Variants in UBE2L3 observed in about 807,000 individuals in gnomAD.
UBE2L3 encodes the protein ubiquitin-conjugating enzyme E2 L3.
Under a neutral mutation model 17.8 loss-of-function variants are expected in UBE2L3, and 1 was observed. The ratio of observed to expected loss-of-function variants is 0.06; its 90% CI spans 0.02 to 0.27. The LOEUF is 0.27. UBE2L3 is among the 10% of genes least tolerant of loss of function. UBE2L3 has a pLI of 1.00. For synonymous variants in UBE2L3, 44 were observed against 68.5 expected, an observed-to-expected ratio of 0.64 and a Z score of 1.76; for missense variants, 40 against 192.6, an observed-to-expected ratio of 0.21 and a Z score of 4.69.
In UBE2L3 at chr22:21,569,161, C is replaced by T. The variant is rs372356251; in HGVS notation, c.27+1390C>T. On this transcript the variant is annotated intron_variant, in intron 1 of 3. Transcript: ENST00000342192. Reference sequence around the variant, plus strand: ...TGTAATCCCAGCACTCCTGGGAGGCCGAGGCGGGCGGATCACTTGAGGTCA... The same window carrying T: ...TGTAATCCCAGCACTCCTGGGAGGCTGAGGCGGGCGGATCACTTGAGGTCA... Among the ~76,000 whole-genome samples, 5 of 151,602 alleles carry T rather than the reference C, an allele frequency of 3.3e-5. No homozygotes were observed. The East Asian group carries it at 7.8e-4, about 24-fold the overall frequency.
At chr22:21,582,143 CA>C (rs547252520) in intron 1 of UBE2L3, among the ~76,000 whole-genome samples, 114 of 136,354 alleles carry the variant, frequency 8.4e-4, no homozygotes, top group African/African-American at 2.0e-3. Flanking sequence ...AAAAAACAAA[CA>C]AAAAAAAAAA....
chr22:21,609,900 C>T (rs1001078603), intron 2 of UBE2L3, among the ~76,000 whole-genome samples: 1 of 151,434 alleles, frequency 6.6e-6, no homozygotes, highest in African/African-American at 2.4e-5. Flanking sequence ...GAGGCGGGTG[C>T]CTGTAATCCC....
At chr22:21,604,615 T>G (rs377355607) in intron 2 of UBE2L3, among the ~76,000 whole-genome samples, 186 of 152,330 alleles carry the variant, frequency 1.2e-3, no homozygotes, top group Middle Eastern at 6.8e-3. Context: ...AACAAAACCA[T>G]GTTTTTTCAT....
upstream of UBE2L3, among the ~76,000 whole-genome samples, chr22:21,564,458 A>G (rs1324622753): frequency 6.6e-6 from 1 of 152,172 alleles, no homozygotes; most frequent in Non-Finnish European, 1.5e-5. Context: ...TGAAGGTTTT[A>G]GAGCAGGAGA....
intron 1 of UBE2L3, among the ~76,000 whole-genome samples, chr22:21,587,115 G>A (rs1391605284): frequency 6.6e-6 from 1 of 151,416 alleles, no homozygotes; most frequent in Non-Finnish European, 1.5e-5. Flanking sequence ...CAAACTCCTG[G>A]CCTCAAGTGA....
chr22:21,565,754 CAA>C (rs131662), upstream of UBE2L3, among the ~76,000 whole-genome samples: 325 of 30,220 alleles, frequency 0.011, no homozygotes, highest in South Asian at 0.15. Context: ...AACTGTGTCT[CAA>C]AAAAAAAAAA....
intron 2 of UBE2L3, among the ~76,000 whole-genome samples, chr22:21,594,711 G>A (rs1344571960): frequency 2.0e-5 from 3 of 152,152 alleles, no homozygotes; most frequent in Non-Finnish European, 4.4e-5. Context: ...TTAGGGCTCA[G>A]GGCAAAGGGT....
intron 3 of UBE2L3, among the ~76,000 whole-genome samples, chr22:21,619,569 C>T (rs1929951010): frequency 6.6e-6 from 1 of 152,240 alleles, no homozygotes; most frequent in African/African-American, 2.4e-5. Context: ...CAGTAAAAAG[C>T]AGAGGTTAGG....
At chr22:21,580,870 C>A (rs916415622) in intron 1 of UBE2L3, among the ~76,000 whole-genome samples, 1 of 151,858 alleles carries the variant, frequency 6.6e-6, no homozygotes, top group Non-Finnish European at 1.5e-5. Context: ...CAGACATGAG[C>A]CACCATGCCT....
chr22:21,568,123 C>A, intron 1 of UBE2L3: 13 of 1,059,254 alleles, frequency 1.2e-5, no homozygotes, highest in Non-Finnish European at 1.5e-5. Context: ...CCAAACCGGG[C>A]GCCTTCGGGG....
intron 2 of UBE2L3, among the ~76,000 whole-genome samples, chr22:21,603,187 T>A (rs569464593): frequency 3.9e-5 from 6 of 152,176 alleles, no homozygotes; most frequent in South Asian, 2.1e-4. Context: ...AGCCATACTA[T>A]ATATAAAAGA....
chr22:21,565,789 A>C (rs1225233192), upstream of UBE2L3, among the ~76,000 whole-genome samples: 2 of 147,822 alleles, frequency 1.4e-5, no homozygotes. Context: ...AAAAAAGAGA[A>C]AAACTCCTTA....
intron 1 of UBE2L3, among the ~76,000 whole-genome samples, chr22:21,582,359 G>GTT (rs767688991): frequency 2.9e-5 from 4 of 138,526 alleles, no homozygotes; most frequent in Non-Finnish European, 4.7e-5. Flanking sequence ...TTTTGTTGTT[G>GTT]TTTTTTTTTT....
chr22:21,565,355 G>A (rs921657052), upstream of UBE2L3, among the ~76,000 whole-genome samples: 3 of 151,520 alleles, frequency 2.0e-5, no homozygotes, highest in Non-Finnish European at 4.4e-5. Flanking sequence ...GCTTCCCAAA[G>A]TGCTGGGATT....
At chr22:21,557,087 A>G (rs1926257753) in intron 1 of UBE2L3, among the ~76,000 whole-genome samples, 1 of 152,248 alleles carries the variant, frequency 6.6e-6, no homozygotes, top group Non-Finnish European at 1.5e-5. Context: ...ACAACAGGCC[A>G]GATGTGACGG....
chr22:21,600,748 A>T (rs867656052), intron 2 of UBE2L3, among the ~76,000 whole-genome samples: 3 of 152,146 alleles, frequency 2.0e-5, no homozygotes, highest in Admixed American at 6.5e-5. Flanking sequence ...AAATCCCCAA[A>T]ACCAAGTTGT....
At chr22:21,604,486 G>C (rs1228152520) in intron 2 of UBE2L3, among the ~76,000 whole-genome samples, 2 of 152,134 alleles carry the variant, frequency 1.3e-5, no homozygotes, top group Non-Finnish European at 2.9e-5. Flanking sequence ...GCAAGCGTGA[G>C]ACTCTATCTC....
intron 2 of UBE2L3, among the ~76,000 whole-genome samples, chr22:21,606,047 G>C (rs1220917396): frequency 2.0e-5 from 3 of 152,134 alleles, no homozygotes; most frequent in Admixed American, 2.0e-4. Context: ...ATAAACTCTG[G>C]GTACAGGCTG....
At chr22:21,567,459 G>A, upstream of UBE2L3, 1 of 497,002 alleles carries the variant, frequency 2.0e-6, no homozygotes, top group Non-Finnish European at 3.3e-6. Context: ...CCCCGCGCCT[G>A]GTCAACTATT....
Sources: gnomAD v4.1 joint callset for allele counts (sites outside exome capture counted in the v4.1 genomes callset) on GRCh38, gnomAD v4.1.1 for gene constraint, MANE v1.5 for transcripts, NCBI Gene and HGNC (gene_info 2026-07-23, HGNC 2026-07-21) for gene names.